The following POLA2 variants were observed in gnomAD, a reference collection of about 807,000 sequenced individuals.
POLA2 encodes the protein DNA polymerase alpha subunit B.
In POLA2, 47 loss-of-function variants were observed where a neutral mutation model predicts 82.8. That is an observed-to-expected ratio of 0.57 (90% CI 0.45 to 0.72). POLA2 has a LOEUF of 0.72. POLA2 is among the 30% of genes least tolerant of loss of function. The pLI, the probability that POLA2 is intolerant of heterozygous loss-of-function variation, is 0.00. For missense variants in POLA2, 634 were observed against 728.1 expected, an observed-to-expected ratio of 0.87 and a Z score of 1.49; for synonymous variants, 287 against 286.8, an observed-to-expected ratio of 1.00 and a Z score of -0.01.
chr11:65,296,120 G>C (rs1182098253), intron 17 of POLA2, 130 bp downstream of exon 17: 5 of 991,682 alleles, frequency 5.0e-6, no homozygotes, highest in Non-Finnish European at 7.7e-6. Flanking sequence ...CTGCCCTGTG[G>C]CCTTGTTTCT....
Position 65,268,667 on chromosome 11 carries a change from C to T in POLA2, c.297-5C>T, listed in dbSNP as rs1162221240. The T allele has an allele frequency of 6.3e-7, 1 of 1,589,050 alleles. No homozygotes were observed. Among genetic ancestry groups the T allele is most frequent in the African/African-American group, 1.3e-5 (1 of 74,140 alleles). ...ATTATTGTTTTTCTTAACCAGTGTTCTTAGAATTGAAGTGGAAGAAGAAGA... is the reference window on the plus strand; with the variant it reads ...ATTATTGTTTTTCTTAACCAGTGTTTTTAGAATTGAAGTGGAAGAAGAAGA... On this transcript the variant is annotated splice_polypyrimidine_tract_variant and splice_region_variant and intron_variant, in intron 3 of 17. Transcript: ENST00000265465.
intron 1 of POLA2, among the ~76,000 whole-genome samples, chr11:65,263,199 C>T (rs1032144613): frequency 1.3e-5 from 2 of 151,606 alleles, no homozygotes; most frequent in Admixed American, 1.3e-4. Flanking sequence ...AGTCTTCATG[C>T]CCAGTGCCTT....
At chr11:65,264,707 C>G (rs982753820) in intron 1 of POLA2, among the ~76,000 whole-genome samples, 2 of 152,212 alleles carry the variant, frequency 1.3e-5, no homozygotes, top group Non-Finnish European at 2.9e-5. Context: ...AATGAATAAG[C>G]TTTCCGTATT....
chr11:65,281,233 GT>G, intron 8 of POLA2, 86 bp downstream of exon 8: 1 of 1,391,608 alleles, frequency 7.2e-7, no homozygotes, highest in Non-Finnish European at 1.0e-6. Flanking sequence ...CTGCTCCTCA[GT>G]TCCTGTCTCT....
rs760935078 is a variant in POLA2 at position 65,262,379 on chromosome 11, C to T, written c.79+8C>T. The T allele has an allele frequency of 1.9e-6, 3 of 1,607,978 alleles. No homozygotes were observed. Among genetic ancestry groups the T allele is most frequent in the Middle Eastern group, 1.7e-4 (1 of 6,046 alleles). ...AGGCTCTAATTGAGAAATGTGAGTC[C>T]CGCACCCCTCCCGCCCTGCAGCCGT... On this transcript the variant is annotated splice_region_variant and intron_variant, in intron 1 of 17. Coordinates refer to ENST00000265465, the MANE Select transcript of POLA2 (RefSeq NM_002689.4).
chr11:65,262,334 C>G lies in POLA2; in HGVS notation c.42C>G (p.Ile14Met). 3 of 1,613,908 alleles carry G rather than the reference C, an allele frequency of 1.9e-6. No homozygotes were observed. Among genetic ancestry groups the G allele is most frequent in the Non-Finnish European group, 2.5e-6 (3 of 1,179,900 alleles). The change falls in exon 1 of 18, where the codon ATC (isoleucine) becomes ATG (methionine). Residue 14 changes from isoleucine to methionine, a missense_variant. By Grantham distance (10) the Ile-to-Met change is conservative. Transcript: ENST00000265465. ...AGCAGCTGGCGGAGGAGCTGCAGAT[C>G]TTCGGCCTAGACTGCGAGGAGGCTC... ...SAQQLAEELQ[I>M]FGLDCEEALI... is the part of the protein sequence containing the mutation.
intron 10 of POLA2, among the ~76,000 whole-genome samples, chr11:65,283,596 A>G (rs1441979140): frequency 6.6e-6 from 1 of 151,786 alleles, no homozygotes; most frequent in East Asian, 1.9e-4. Flanking sequence ...CAGCCTCCTA[A>G]GTAGCTGGGA....
chr11:65,271,857 A>G (rs1949525125), intron 4 of POLA2, among the ~76,000 whole-genome samples: 1 of 151,898 alleles, frequency 6.6e-6, no homozygotes, highest in South Asian at 2.1e-4. Flanking sequence ...AAAAAAAAAA[A>G]AGTTTGTGAC....
In POLA2 at chr11:65,275,880, T is replaced by A; in HGVS notation, c.355-12T>A. On this transcript the variant is annotated splice_polypyrimidine_tract_variant and intron_variant, in intron 4 of 17. Transcript: ENST00000265465. ...GTAGGACTGAGATTTTGTTTTCCTT[T>A]TTTTTCCCTAGGGTTCTCAGAAGCG... 6.4e-7 allele frequency: 1 copy of A among 1,552,438 alleles called. No homozygotes were observed. The highest frequency in any genetic ancestry group is 8.9e-7 in the Non-Finnish European group (1 of 1,127,878).
intron 3 of POLA2, among the ~76,000 whole-genome samples, chr11:65,268,140 A>G (rs1949482133): frequency 6.6e-6 from 1 of 151,834 alleles, no homozygotes. Flanking sequence ...GTGGTGATGT[A>G]CGCCTGTAGA....
downstream of POLA2, among the ~76,000 whole-genome samples, chr11:65,298,937 C>T (rs921464753): frequency 1.3e-5 from 2 of 152,184 alleles, no homozygotes; most frequent in African/African-American, 2.4e-5. Context: ...CCGGGAGGGC[C>T]GGAGCAGGCA....
chr11:65,272,313 AAAAAG>A (rs1437898988), intron 4 of POLA2, among the ~76,000 whole-genome samples: 1 of 152,172 alleles, frequency 6.6e-6, no homozygotes, highest in Admixed American at 6.5e-5. Context: ...CATCTCAAAA[AAAAAG>A]AAAAGTGTGA....
intron 4 of POLA2, among the ~76,000 whole-genome samples, chr11:65,269,089 T>C (rs923616762): frequency 6.6e-6 from 1 of 152,204 alleles, no homozygotes; most frequent in Non-Finnish European, 1.5e-5. Flanking sequence ...GCCTTCAAAG[T>C]CTGAGTCAGA....
chr11:65,295,349 G>T (rs755942126), intron 15 of POLA2, among the ~76,000 whole-genome samples, 191 bp from the exon 16 acceptor site: 8 of 152,098 alleles, frequency 5.3e-5, no homozygotes, highest in Non-Finnish European at 1.0e-4. Context: ...GGTGTCCTGC[G>T]TCCCTCCTCA....
At chr11:65,289,335 A>G (rs1038058269) in intron 12 of POLA2, among the ~76,000 whole-genome samples, 2 of 152,210 alleles carry the variant, frequency 1.3e-5, no homozygotes, top group African/African-American at 4.8e-5. Flanking sequence ...TTTGTTTGTG[A>G]TGCCTGCTGC....
intron 8 of POLA2, among the ~76,000 whole-genome samples, chr11:65,304,893 G>A (rs1949878534): frequency 6.6e-6 from 1 of 152,126 alleles, no homozygotes; most frequent in Non-Finnish European, 1.5e-5. Flanking sequence ...CAGTCAGAGT[G>A]GTGTTTTTGT....
chr11:65,294,802 T>A (rs187715918), intron 15 of POLA2, 150 bp downstream of exon 15: 21 of 559,794 alleles, frequency 3.8e-5, no homozygotes, highest in African/African-American at 3.6e-4. Context: ...GCCATCTGAG[T>A]TTCTCTGTAC....
At chr11:65,263,565 C>T (rs1207563908) in intron 1 of POLA2, among the ~76,000 whole-genome samples, 2 of 152,188 alleles carry the variant, frequency 1.3e-5, no homozygotes, top group East Asian at 1.9e-4. Flanking sequence ...TGGTGGCTCA[C>T]GCCTGTAATC....
intron 10 of POLA2, among the ~76,000 whole-genome samples, chr11:65,287,150 G>T (rs994243518): frequency 1.7e-4 from 26 of 152,192 alleles, no homozygotes; most frequent in African/African-American, 5.5e-4. Flanking sequence ...GCCTTGTGGA[G>T]GGATGGGCTG....
Sources: gnomAD v4.1 joint callset for allele counts (sites outside exome capture counted in the v4.1 genomes callset) on GRCh38, gnomAD v4.1.1 for gene constraint, MANE v1.5 for transcripts, NCBI Gene and HGNC (gene_info 2026-07-23, HGNC 2026-07-21) for gene names.